The following DLD variants were observed in gnomAD, a reference collection of about 807,000 sequenced individuals.
DLD encodes the protein dihydrolipoamide dehydrogenase, also known as dihydrolipoyl dehydrogenase, mitochondrial.
DLD carries 36 observed loss-of-function variants against 62.2 expected under a neutral mutation model. That is an observed-to-expected ratio of 0.58 (90% CI 0.44 to 0.76). DLD has a LOEUF of 0.76. Among genes scored for constraint, DLD ranks in the 30% least tolerant of loss-of-function variants. The pLI is 0.00. For missense variants in DLD, 541 were observed against 608.6 expected (o/e 0.89, Z 1.17); for synonymous variants, 204 against 199.6 (o/e 1.02, Z -0.19).
intron 2 of DLD, among the ~76,000 whole-genome samples, chr7:107,897,166 T>G (rs2031747692): frequency 6.6e-6 from 1 of 152,190 alleles, no homozygotes; most frequent in Admixed American, 6.5e-5. Context: ...TTTTGACATG[T>G]GCCTCTTTTT....
chr7:107,910,623 T>A (rs1168136206), intron 8 of DLD, among the ~76,000 whole-genome samples: 2 of 152,214 alleles, frequency 1.3e-5, no homozygotes, highest in Admixed American at 1.3e-4. Context: ...CTCTGCCTCT[T>A]ACTGACTTAT....
intron 2 of DLD, among the ~76,000 whole-genome samples, chr7:107,898,670 A>T (rs1444964796): frequency 1.4e-5 from 2 of 139,166 alleles, no homozygotes; most frequent in African/African-American, 5.4e-5. Flanking sequence ...GGCTCACTGC[A>T]AGCTCTGCCT....
intron 8 of DLD, among the ~76,000 whole-genome samples, chr7:107,910,840 G>A (rs900343109): frequency 1.3e-5 from 2 of 152,036 alleles, no homozygotes; most frequent in African/African-American, 4.8e-5. Flanking sequence ...TAAAGAGTAG[G>A]GCACTTGTCT....
In DLD at chr7:107,897,482, T is replaced by C. The variant is rs568733044; in HGVS notation, c.118+4204T>C. 2.9e-4 allele frequency among the ~76,000 whole-genome samples: 44 copies of C among 152,212 alleles called. No homozygotes were observed. In the East Asian group the frequency reaches 8.3e-3, roughly 29 times the overall value. ...GTAGTATTAAACTATGTCATAGAAA[T>C]GTAATGAGGCTTACATAAGACAGTA... On this transcript the variant is annotated intron_variant, in intron 2 of 13. Transcript: ENST00000205402.
At chr7:107,897,725 C>G (rs927039194) in intron 2 of DLD, among the ~76,000 whole-genome samples, 1 of 151,752 alleles carries the variant, frequency 6.6e-6, no homozygotes, top group Non-Finnish European at 1.5e-5. Flanking sequence ...ACTACAGGCA[C>G]GCACCACTAT....
chr7:107,891,708 T>C (rs1278871011), intron 1 of DLD: 1 of 281,912 alleles, frequency 3.5e-6, no homozygotes, highest in Non-Finnish European at 6.9e-6. Flanking sequence ...GTTTATGCAG[T>C]GGGCAGGTAA....
At chr7:107,894,833 G>A (rs969823941) in intron 2 of DLD, among the ~76,000 whole-genome samples, 3 of 152,160 alleles carry the variant, frequency 2.0e-5, no homozygotes, top group Non-Finnish European at 4.4e-5. Flanking sequence ...AGCTTTGAGT[G>A]GATGCAGTAA....
At chr7:107,891,149 A>C, upstream of DLD, 2 of 1,432,202 alleles carry the variant, frequency 1.4e-6, no homozygotes, top group Admixed American at 3.6e-5. Context: ...GTGATGACGT[A>C]GGCTGCGCCT....
chr7:107,918,359 G>A (rs1309263643), intron 12 of DLD, among the ~76,000 whole-genome samples: 1 of 152,158 alleles, frequency 6.6e-6, no homozygotes, highest in Non-Finnish European at 1.5e-5. Context: ...AGGCCTCACT[G>A]AATCTGTTTG....
intron 1 of DLD, chr7:107,891,514 CT>C: frequency 1.6e-6 from 1 of 610,722 alleles, no homozygotes; most frequent in East Asian, 2.8e-5. Context: ...GTGGCGAGTC[CT>C]TTCGGGTTGT....
intron 3 of DLD, among the ~76,000 whole-genome samples, 187 bp downstream of exon 3, chr7:107,902,004 A>G (rs2031887591): frequency 6.6e-6 from 1 of 152,172 alleles, no homozygotes; most frequent in Admixed American, 6.5e-5. Flanking sequence ...GGAAAGTGAA[A>G]TCTATTAGTT....
intron 8 of DLD, among the ~76,000 whole-genome samples, chr7:107,912,245 G>A (rs1243280238): frequency 2.6e-5 from 4 of 152,056 alleles, no homozygotes; most frequent in Non-Finnish European, 5.9e-5. Context: ...GGACACTTGA[G>A]TTAATTCTGT....
At chr7:107,905,096 A>T in intron 6 of DLD, 38 bp downstream of exon 6, 1 of 1,431,652 alleles carries the variant, frequency 7.0e-7, no homozygotes, top group Non-Finnish European at 9.8e-7. Context: ...TTTACTTTGA[A>T]TACAAATTAA....
At position 107,916,878 on chromosome 7, in the gene DLD, G is replaced by T. The variant is rs2032284326; in HGVS notation, c.960G>T (p.Lys320Asn). The T allele has an allele frequency of 5.0e-6, 8 of 1,613,490 alleles. No homozygotes were observed. The East Asian group carries it at 1.8e-4, about 36-fold the overall frequency. Residue 320 changes from lysine to asparagine, a missense_variant, in exon 10 of 14, where the codon AAG becomes AAT. Transcript: ENST00000205402. The stretch of plus-strand genomic sequence containing the variant: ...GCATTGGCCGACGACCCTTTACTAA[G>T]AATTTGGGACTAGAAGAGCTGGGAA... Reference protein sequence around the residue: ...LVCIGRRPFTKNLGLEELGIE... With the variant: ...LVCIGRRPFTNNLGLEELGIE...
chr7:107,896,737 A>G (rs192385373), intron 2 of DLD, among the ~76,000 whole-genome samples: 114 of 152,322 alleles, frequency 7.5e-4, no homozygotes, highest in Admixed American at 1.5e-3. Flanking sequence ...AACCTTATCA[A>G]GTAGTTCTTA....
At chr7:107,901,630 G>T in intron 2 of DLD, 108 bp from the exon 3 acceptor site, 1 of 861,126 alleles carries the variant, frequency 1.2e-6, no homozygotes, top group South Asian at 1.4e-5. Flanking sequence ...ATGCTGATTT[G>T]TACTGTAAGA....
intron 1 of DLD, 102 bp from the exon 2 acceptor site, chr7:107,893,098 C>A: frequency 1.3e-6 from 1 of 792,382 alleles, no homozygotes; most frequent in Non-Finnish European, 2.1e-6. Context: ...TAATAATCCT[C>A]GCTTGATACG....
chr7:107,919,693 T>C lies in DLD; in HGVS notation c.*434T>C. The C allele has an allele frequency of 5.7e-6, 1 of 175,062 alleles. No homozygotes were observed. Among genetic ancestry groups the C allele is most frequent in the Non-Finnish European group, 1.2e-5 (1 of 82,316 alleles). The allele number at this position is 175,062 out of a possible 1,614,324, so 10.8% of individuals were successfully genotyped here. A position where few individuals can be genotyped will look rare whatever the true frequency, so the allele number is the denominator to read the frequency against. Reference sequence around the variant, plus strand: ...ATTTGGTTTTCACATTGGAAACAAGTCAGTCATTCAGATATGATTCAAATG... The same window carrying C: ...ATTTGGTTTTCACATTGGAAACAAGCCAGTCATTCAGATATGATTCAAATG... On this transcript the variant is annotated 3_prime_UTR_variant, in exon 14 of 14. Transcript: ENST00000205402.
chr7:107,905,531 A>G (rs966284292), intron 7 of DLD, 27 bp downstream of exon 7: 1 of 1,609,810 alleles, frequency 6.2e-7, no homozygotes, highest in Non-Finnish European at 8.5e-7. Context: ...ATTTACAACC[A>G]TTACAACTTT....
Sources: gnomAD v4.1 joint callset for allele counts (sites outside exome capture counted in the v4.1 genomes callset) on GRCh38, gnomAD v4.1.1 for gene constraint, MANE v1.5 for transcripts, NCBI Gene and HGNC (gene_info 2026-07-23, HGNC 2026-07-21) for gene names.